SRBD1: variants seen among roughly 807,000 people sequenced by gnomAD.
SRBD1 encodes S1 RNA-binding domain-containing protein 1.
A neutral mutation model predicts 115.3 loss-of-function variants in SRBD1; 88 were observed. The ratio of observed to expected loss-of-function variants is 0.76; its 90% CI spans 0.64 to 0.91. The LOEUF is 0.91. Among genes scored for constraint, SRBD1 ranks in the 40% least tolerant of loss-of-function variants. The pLI, the probability that SRBD1 is intolerant of heterozygous loss-of-function variation, is 0.00. For missense variants in SRBD1, 1,385 were observed against 1,177.4 expected (o/e 1.18, Z -2.58); for synonymous variants, 509 against 407.7 (o/e 1.25, Z -2.99).
intron 14 of SRBD1, among the ~76,000 whole-genome samples, chr2:45,538,268 G>T (rs1000492483): frequency 6.6e-6 from 1 of 152,144 alleles, no homozygotes; most frequent in Non-Finnish European, 1.5e-5. Context: ...GCCACCCAGA[G>T]GGCCTTACCC....
At chr2:45,518,354 C>T (rs1671182639) in intron 14 of SRBD1, among the ~76,000 whole-genome samples, 1 of 152,164 alleles carries the variant, frequency 6.6e-6, no homozygotes, top group South Asian at 2.1e-4. Flanking sequence ...ACTATACCTA[C>T]CTTCTAATTT....
At chr2:45,550,493 CAA>C (rs3064241) in intron 12 of SRBD1, among the ~76,000 whole-genome samples, 6 of 135,630 alleles carry the variant, frequency 4.4e-5, no homozygotes, top group Admixed American at 7.3e-5. Flanking sequence ...TTACAGTAGC[CAA>C]AAAAAAAAAA....
At chr2:45,512,729 T>C (rs1671006433) in intron 14 of SRBD1, among the ~76,000 whole-genome samples, 2 of 152,190 alleles carry the variant, frequency 1.3e-5, no homozygotes, top group Non-Finnish European at 2.9e-5. Flanking sequence ...AATTTTTACA[T>C]TGCCAAAGAT....
At chr2:45,605,557 A>T (rs1674242326) in intron 1 of SRBD1, 116 bp from the exon 2 acceptor site, 3 of 951,732 alleles carry the variant, frequency 3.2e-6, no homozygotes, top group East Asian at 2.5e-5. Flanking sequence ...AAAAACAATG[A>T]TGTTTATTCA....
At chr2:45,473,808 G>A (rs531895126) in intron 16 of SRBD1, among the ~76,000 whole-genome samples, 1 of 152,072 alleles carries the variant, frequency 6.6e-6, no homozygotes, top group African/African-American at 2.4e-5. Context: ...CTTTACTTCT[G>A]CATTCATAAG....
chr2:45,525,661 A>G (rs761297371), intron 14 of SRBD1, among the ~76,000 whole-genome samples: 2 of 152,044 alleles, frequency 1.3e-5, no homozygotes, highest in Admixed American at 6.6e-5. Flanking sequence ...TACACAATGT[A>G]TATGTACTTC....
At position 45,531,800 on chromosome 2, in the gene SRBD1, T is replaced by C. The variant is rs145830583; in HGVS notation, c.1874+14932A>G. ...ATATGGCAAGCCTTCTCTGAGTCCT[T>C]TTTCCTTTGTTCTTTCTTCAGACTC... On this transcript the variant is annotated intron_variant, in intron 14 of 20. Transcript: ENST00000263736. Among the ~76,000 whole-genome samples the C allele has an allele frequency of 2.1e-3, 325 of 151,846 alleles. 2 individuals are homozygous for C. Among genetic ancestry groups the C allele is most frequent in the Non-Finnish European group, 3.7e-3 (254 of 67,806 alleles).
At chr2:45,414,795 A>ATATAGTATGTACACACACATAGTGTG (rs1667747414) in intron 18 of SRBD1, among the ~76,000 whole-genome samples, 1 of 142,770 alleles carries the variant, frequency 7.0e-6, no homozygotes, top group African/African-American at 2.7e-5. Flanking sequence ...CATAGTGTGT[A>ATATAGTATGTACACACACATAGTGTG]TATAGTATGT....
intron 14 of SRBD1, among the ~76,000 whole-genome samples, chr2:45,519,856 A>G (rs551675194): frequency 1.3e-5 from 2 of 152,288 alleles, no homozygotes; most frequent in African/African-American, 4.8e-5. Context: ...CAACAACCTT[A>G]TAAGGTTACT....
At chr2:45,479,374 CAAGTTGTGAATGCA>C (rs1276616864) in intron 15 of SRBD1, among the ~76,000 whole-genome samples, 1 of 152,130 alleles carries the variant, frequency 6.6e-6, no homozygotes, top group Non-Finnish European at 1.5e-5. Context: ...GTCAGTTAGC[CAAGTTGTGAATGCA>C]AAGGAAGAGT....
At position 45,455,156 on chromosome 2, in the gene SRBD1, T is replaced by C. The variant is rs540096589; in HGVS notation, c.2049+21837A>G. Among the ~76,000 whole-genome samples, 93 of 152,018 alleles carry C rather than the reference T, an allele frequency of 6.1e-4. 1 individual carries two copies. Among genetic ancestry groups the C allele is most frequent in the African/African-American group, 1.8e-3 (73 of 41,544 alleles). ...TGAAGGACATGACAAACTCTTTTCATTTAAATTTAATTTTTAAGAGAATAT... is the reference window on the plus strand; with the variant it reads ...TGAAGGACATGACAAACTCTTTTCACTTAAATTTAATTTTTAAGAGAATAT... On this transcript the variant is annotated intron_variant, in intron 16 of 20. Transcript: ENST00000263736.
At chr2:45,562,810 T>A in intron 9 of SRBD1, 54 bp from the exon 10 acceptor site, 1 of 1,211,806 alleles carries the variant, frequency 8.3e-7, no homozygotes, top group Non-Finnish European at 1.2e-6. Flanking sequence ...ATGAAACAAA[T>A]CAGGCGACTA....
chr2:45,566,165 T>C (rs1572784786), intron 9 of SRBD1, among the ~76,000 whole-genome samples: 1 of 152,030 alleles, frequency 6.6e-6, no homozygotes, highest in African/African-American at 2.4e-5. Context: ...CCTCAAAAGG[T>C]TAAATGTAAA....
At chr2:45,432,927 G>A (rs977255995) in intron 16 of SRBD1, among the ~76,000 whole-genome samples, 5 of 152,096 alleles carry the variant, frequency 3.3e-5, no homozygotes, top group Non-Finnish European at 5.9e-5. Flanking sequence ...AAACTGCTGT[G>A]TTTTATTTTG....
intron 16 of SRBD1, among the ~76,000 whole-genome samples, chr2:45,474,760 A>C (rs1669755443): frequency 6.6e-6 from 1 of 152,144 alleles, no homozygotes; most frequent in African/African-American, 2.4e-5. Context: ...CCCCATGCTT[A>C]GTATCTGTCA....
chr2:45,407,618 CA>C (rs1473300798), intron 19 of SRBD1, among the ~76,000 whole-genome samples: 3 of 152,028 alleles, frequency 2.0e-5, no homozygotes, highest in African/African-American at 7.2e-5. Flanking sequence ...TCATCACCAA[CA>C]AAATTCAGAG....
intron 14 of SRBD1, among the ~76,000 whole-genome samples, chr2:45,514,049 GAAC>G (rs1307882869): frequency 6.6e-6 from 1 of 151,990 alleles, no homozygotes. Context: ...TATCAACTGT[GAAC>G]AACACTTACA....
intron 9 of SRBD1, among the ~76,000 whole-genome samples, chr2:45,565,808 A>C (rs1440408569): frequency 3.3e-5 from 5 of 152,170 alleles, no homozygotes; most frequent in Admixed American, 6.5e-5. Flanking sequence ...TTATTTTCTT[A>C]AGAGATGGGG....
chr2:45,536,153 T>C (rs1280350903), intron 14 of SRBD1, among the ~76,000 whole-genome samples: 1 of 152,018 alleles, frequency 6.6e-6, no homozygotes. Flanking sequence ...TTGCATATTA[T>C]ATAATATAAT....
Sources: allele counts gnomAD v4.1 joint callset (sites outside exome capture counted in the v4.1 genomes callset), GRCh38; gene constraint gnomAD v4.1.1; transcripts MANE v1.5; gene names NCBI Gene and HGNC (gene_info 2026-07-23, HGNC 2026-07-21).